EXOC6: variants seen among roughly 807,000 people sequenced by gnomAD.
EXOC6 encodes exocyst complex component 6.
Under a neutral mutation model 112.5 loss-of-function variants are expected in EXOC6, and 60 were observed. The ratio of observed to expected loss-of-function variants is 0.53; its 90% CI spans 0.43 to 0.66. EXOC6 has a LOEUF of 0.66. Ranked by LOEUF, EXOC6 falls within the 30% of genes least tolerant of loss-of-function variation. EXOC6 has a pLI of 0.00. For missense variants in EXOC6, 855 were observed against 957.1 expected (o/e 0.89, Z 1.41); for synonymous variants, 295 against 308.0 (o/e 0.96, Z 0.44).
chr10:93,001,416 C>CT lies in EXOC6; in HGVS notation c.2095+3802dup, dbSNP rs1843749691. On this transcript the variant is annotated intron_variant, in intron 19 of 21. Coordinates refer to ENST00000260762, the MANE Select transcript of EXOC6 (RefSeq NM_019053.6). Reference sequence around the variant, plus strand: ...ATACATTTCGATACAATACATCACTCTATCAATCTCTCACACTGAACTGAA... The same window carrying CT: ...ATACATTTCGATACAATACATCACTCTTATCAATCTCTCACACTGAACTGAA... Among the ~76,000 whole-genome samples, 3 of 152,298 alleles carry CT rather than the reference C, an allele frequency of 2.0e-5. No homozygotes were observed. The South Asian group carries it at 6.2e-4, about 32-fold the overall frequency.
At chr10:92,959,244 A>G (rs183090521) in intron 17 of EXOC6, among the ~76,000 whole-genome samples, 46 of 152,334 alleles carry the variant, frequency 3.0e-4, no homozygotes, top group African/African-American at 1.1e-3. Flanking sequence ...AAAGGTAATA[A>G]AATGTAGCAA....
upstream of EXOC6, chr10:92,848,438 G>GCCCCCCCC: frequency 1.0e-5 from 2 of 196,086 alleles, no homozygotes; most frequent in Non-Finnish European, 1.7e-5. Flanking sequence ...CGAGCGCCCC[G>GCCCCCCCC]CCCCCGCCCC....
At chr10:92,943,206 A>C (rs148897645) in intron 13 of EXOC6, among the ~76,000 whole-genome samples, 1 of 151,784 alleles carries the variant, frequency 6.6e-6, no homozygotes, top group South Asian at 2.1e-4. Flanking sequence ...TTTTAGTAGA[A>C]ATGGTGTTTC....
At chr10:93,015,958 T>C (rs953617799) in intron 20 of EXOC6, among the ~76,000 whole-genome samples, 3 of 152,210 alleles carry the variant, frequency 2.0e-5, no homozygotes, top group African/African-American at 7.2e-5. Flanking sequence ...TTAACCTTGC[T>C]GAGTTGGGAA....
intron 18 of EXOC6, among the ~76,000 whole-genome samples, chr10:92,979,747 T>C (rs996250723): frequency 1.1e-4 from 16 of 151,634 alleles, no homozygotes; most frequent in African/African-American, 3.4e-4. Flanking sequence ...GTGGGCGATA[T>C]AGTGAACCTC....
At chr10:92,852,985 A>G (rs1184043203) in intron 1 of EXOC6, among the ~76,000 whole-genome samples, 1 of 152,174 alleles carries the variant, frequency 6.6e-6, no homozygotes, top group African/African-American at 2.4e-5. Flanking sequence ...ACACTGTGTG[A>G]TCAACTATTA....
At chr10:93,039,295 G>A (rs1845658965) in intron 20 of EXOC6, among the ~76,000 whole-genome samples, 1 of 152,054 alleles carries the variant, frequency 6.6e-6, no homozygotes, top group African/African-American at 2.4e-5. Context: ...AGAGTATTTT[G>A]CAATGTATAT....
intron 17 of EXOC6, among the ~76,000 whole-genome samples, chr10:92,959,149 A>G (rs113563354): frequency 1.3e-5 from 2 of 152,244 alleles, no homozygotes; most frequent in African/African-American, 4.8e-5. Flanking sequence ...TGGACAAACA[A>G]CAGACAAATA....
At chr10:92,882,952 C>A (rs1849038191) in intron 1 of EXOC6, among the ~76,000 whole-genome samples, 1 of 152,156 alleles carries the variant, frequency 6.6e-6, no homozygotes, top group Non-Finnish European at 1.5e-5. Flanking sequence ...TGTAGCTTCT[C>A]CTACTTTCCA....
chr10:93,026,943 C>T (rs1328936305), intron 20 of EXOC6, among the ~76,000 whole-genome samples: 2 of 152,166 alleles, frequency 1.3e-5, no homozygotes, highest in Non-Finnish European at 2.9e-5. Context: ...AAATGATTAA[C>T]TTAATGAGGA....
At chr10:92,945,787 C>T (rs921207021) in intron 13 of EXOC6, among the ~76,000 whole-genome samples, 6 of 152,300 alleles carry the variant, frequency 3.9e-5, no homozygotes, top group Middle Eastern at 3.4e-3. Flanking sequence ...GTTCTGCCTG[C>T]GTCAGCCTCC....
intron 20 of EXOC6, among the ~76,000 whole-genome samples, chr10:93,054,737 G>C (rs900502706): frequency 5.9e-5 from 9 of 152,184 alleles, no homozygotes; most frequent in African/African-American, 2.2e-4. Context: ...GAGAAAAAGA[G>C]CCTTAAGAGG....
intron 17 of EXOC6, among the ~76,000 whole-genome samples, chr10:92,956,048 T>C (rs1164738905): frequency 6.6e-6 from 1 of 152,144 alleles, no homozygotes; most frequent in East Asian, 1.9e-4. Flanking sequence ...AAATTTAAAA[T>C]GTAAGACAAA....
chr10:92,871,169 T>C (rs985414652), intron 1 of EXOC6, among the ~76,000 whole-genome samples: 2 of 152,194 alleles, frequency 1.3e-5, no homozygotes, highest in Non-Finnish European at 2.9e-5. Context: ...TGTGTTCTTT[T>C]GAAAAATTAT....
chr10:92,938,654 T>C (rs1564845588), intron 12 of EXOC6, among the ~76,000 whole-genome samples: 1 of 152,168 alleles, frequency 6.6e-6, no homozygotes. Context: ...TTTATTAACA[T>C]TTTTTGAGTA....
chr10:92,964,238 T>C (rs1451788904), intron 17 of EXOC6, among the ~76,000 whole-genome samples: 1 of 151,532 alleles, frequency 6.6e-6, no homozygotes, highest in Non-Finnish European at 1.5e-5. Flanking sequence ...AAATTATATA[T>C]ATATTTTTAA....
At position 92,997,550 on chromosome 10, in the gene EXOC6, G is replaced by A. The variant is rs900017268; in HGVS notation, c.2030G>A (p.Ser677Asn). Residue 677 changes from serine to asparagine, a missense_variant, in exon 19 of 22, where the codon AGT (serine) becomes AAT (asparagine). This residue lies in a region of EXOC6 where 450 missense variants were observed against 563.5 expected (regional missense o/e 0.80). Transcript: ENST00000260762. ...STSLMQMLLD[S>N]ELKQISMGAV... ...TCCTTAATGCAGATGCTACTGGACA[G>A]TGAGTTAAAACAAATAAGCATGGGA... The A allele has an allele frequency of 6.2e-7, 1 of 1,613,760 alleles. No homozygotes were observed. The highest frequency in any genetic ancestry group is 8.5e-7 in the Non-Finnish European group (1 of 1,179,786).
At chr10:92,978,677 C>T (rs1014113871) in intron 18 of EXOC6, among the ~76,000 whole-genome samples, 1 of 152,138 alleles carries the variant, frequency 6.6e-6, no homozygotes, top group African/African-American at 2.4e-5. Context: ...TTACATTAAG[C>T]TACCATTTTT....
intron 17 of EXOC6, among the ~76,000 whole-genome samples, chr10:92,957,327 C>A (rs1223695402): frequency 6.6e-6 from 1 of 152,124 alleles, no homozygotes; most frequent in African/African-American, 2.4e-5. Context: ...ATTGCCTTAG[C>A]ATCTTGTGTT....
Sources: gnomAD v4.1 joint callset for allele counts (sites outside exome capture counted in the v4.1 genomes callset) on GRCh38, gnomAD v4.1.1 for gene constraint, gnomAD v4.1.1 regional missense constraint, MANE v1.5 for transcripts, NCBI Gene and HGNC (gene_info 2026-07-23, HGNC 2026-07-21) for gene names.